SSBP3: variants seen among roughly 807,000 people sequenced by gnomAD.
SSBP3 encodes the protein single-stranded DNA-binding protein 3.
A neutral mutation model predicts 69.6 loss-of-function variants in SSBP3; 5 were observed. The observed-to-expected ratio is 0.07, with a 90% CI of 0.04 to 0.15. SSBP3 has a LOEUF of 0.15. Ranked by LOEUF, SSBP3 falls within the 10% of genes least tolerant of loss-of-function variation. SSBP3 has a pLI of 1.00. For missense variants in SSBP3, 312 were observed against 534.0 expected (o/e 0.58, Z 4.10); for synonymous variants, 196 against 193.4 (o/e 1.01, Z -0.11).
chr1:54,299,265 C>T lies in SSBP3; in HGVS notation c.277-17738G>A, dbSNP rs576750542. Among the ~76,000 whole-genome samples, 273 of 152,318 alleles carry T rather than the reference C, an allele frequency of 1.8e-3. 1 individual carries two copies. Among genetic ancestry groups the T allele is most frequent in the African/African-American group, 6.1e-3 (254 of 41,566 alleles). ...TGCAAGACACTGGTATTTTCCGCTC[C>T]ACTTGCCAAGAATGGAGCCACCCTG... On this transcript the variant is annotated intron_variant, in intron 4 of 17. Coordinates refer to ENST00000610401, the Ensembl canonical transcript of SSBP3.
intron 9 of SSBP3, among the ~76,000 whole-genome samples, chr1:54,246,788 C>T (rs1371437761): frequency 6.6e-6 from 1 of 152,264 alleles, no homozygotes; most frequent in Non-Finnish European, 1.5e-5. Flanking sequence ...CAAGGCCACA[C>T]AGATGTCAGG....
chr1:54,250,398 G>A (rs2100702996), intron 9 of SSBP3, among the ~76,000 whole-genome samples: 1 of 152,010 alleles, frequency 6.6e-6, no homozygotes, highest in East Asian at 1.9e-4. Context: ...GGATGGAGCA[G>A]AGGGCTGTGG....
Position 54,374,556 on chromosome 1 carries a change from C to T in SSBP3, c.276+27305G>A, listed in dbSNP as rs1647185883. 2.6e-5 allele frequency among the ~76,000 whole-genome samples: 4 copies of T among 152,212 alleles called. No homozygotes were observed. In the South Asian group the frequency reaches 8.3e-4, roughly 32 times the overall value. ...TTGTTCACAAACCACCCTCAACTAT[C>T]CTATAATGGATGCTTACATTATCCC... On this transcript the variant is annotated intron_variant, in intron 4 of 17. Transcript: ENST00000610401.
chr1:54,335,483 G>A (rs1210132268), intron 4 of SSBP3, among the ~76,000 whole-genome samples: 2 of 152,150 alleles, frequency 1.3e-5, no homozygotes, highest in African/African-American at 4.8e-5. Context: ...GAACCCTCAT[G>A]CAATCTGCCC....
intron 4 of SSBP3, among the ~76,000 whole-genome samples, chr1:54,320,424 TCTC>T (rs1188132255): frequency 6.6e-6 from 1 of 152,008 alleles, no homozygotes; most frequent in African/African-American, 2.4e-5. Context: ...TTCAAGCAAT[TCTC>T]CTCCCTCAGC....
intron 4 of SSBP3, among the ~76,000 whole-genome samples, chr1:54,289,081 T>A (rs1645556919): frequency 6.8e-6 from 1 of 146,906 alleles, no homozygotes; most frequent in African/African-American, 2.5e-5. Flanking sequence ...CTCACCCCTG[T>A]AGTTCCCAGG....
At chr1:54,399,077 C>T (rs1041504503) in intron 4 of SSBP3, among the ~76,000 whole-genome samples, 26 of 152,252 alleles carry the variant, frequency 1.7e-4, no homozygotes, top group African/African-American at 6.3e-4. Flanking sequence ...CTCACTCACC[C>T]GCAAGTGACT....
intron 4 of SSBP3, among the ~76,000 whole-genome samples, chr1:54,365,431 A>G (rs1647014993): frequency 6.6e-6 from 1 of 152,208 alleles, no homozygotes; most frequent in African/African-American, 2.4e-5. Flanking sequence ...AAAATGCAGT[A>G]ACCAAAACAT....
At chr1:54,242,113 C>A (rs747479463) in intron 11 of SSBP3, 51 bp downstream of exon 11, 1 of 1,606,456 alleles carries the variant, frequency 6.2e-7, no homozygotes, top group Non-Finnish European at 8.5e-7. Context: ...CTCCCCTGCA[C>A]CCAGAACCGC....
At chr1:54,287,693 CAACA>C (rs1645516143) in intron 4 of SSBP3, among the ~76,000 whole-genome samples, 1 of 149,004 alleles carries the variant, frequency 6.7e-6, no homozygotes, top group Non-Finnish European at 1.5e-5. Flanking sequence ...TCAGCAGCAA[CAACA>C]AACTAAAGAT....
intron 4 of SSBP3, chr1:54,285,481 G>A (rs1238368046): frequency 2.0e-5 from 3 of 152,014 alleles, no homozygotes; most frequent in Non-Finnish European, 2.9e-5. Flanking sequence ...TCTAGAATAC[G>A]GGTAAGTTAT....
At chr1:54,234,375 TAAA>T (rs1169086974) in intron 14 of SSBP3, among the ~76,000 whole-genome samples, 1 of 151,028 alleles carries the variant, frequency 6.6e-6, no homozygotes, top group Non-Finnish European at 1.5e-5. Flanking sequence ...TAAATAAAAA[TAAA>T]AAATAAAAAA....
chr1:54,257,323 C>T (rs1644939186), intron 6 of SSBP3, 137 bp from the exon 7 acceptor site: 1 of 706,392 alleles, frequency 1.4e-6, no homozygotes, highest in African/African-American at 1.9e-5. Flanking sequence ...AGCCTCTTCC[C>T]TTTGACAGCA....
At position 54,401,952 on chromosome 1, in the gene SSBP3, G is replaced by A. The variant is rs1418443798; in HGVS notation, c.192-7C>T. 8 of 1,612,182 alleles carry A rather than the reference G, an allele frequency of 5.0e-6. No homozygotes were observed. Among genetic ancestry groups the A allele is most frequent in the African/African-American group, 1.3e-5 (1 of 74,890 alleles). ...GTAAAGGTCCCAAAATACACTGCGA[G>A]GAGGAAAATAAAATAAGGTCAGGTT... On this transcript the variant is annotated splice_region_variant and splice_polypyrimidine_tract_variant and intron_variant, in intron 3 of 17. Coordinates refer to ENST00000610401, the Ensembl canonical transcript of SSBP3.
intron 5 of SSBP3, among the ~76,000 whole-genome samples, chr1:54,271,385 AG>A (rs1239564249): frequency 6.6e-6 from 1 of 152,112 alleles, no homozygotes; most frequent in Non-Finnish European, 1.5e-5. Flanking sequence ...TGGGATTTGC[AG>A]GTATGAGCCA....
At chr1:54,298,451 T>A (rs1417429600) in intron 4 of SSBP3, among the ~76,000 whole-genome samples, 1 of 152,192 alleles carries the variant, frequency 6.6e-6, no homozygotes, top group Non-Finnish European at 1.5e-5. Flanking sequence ...GTCCCCAGGA[T>A]TTTCAGTAAA....
chr1:54,234,364 A>AAT (rs35387873), intron 14 of SSBP3, among the ~76,000 whole-genome samples: 1 of 151,316 alleles, frequency 6.6e-6, no homozygotes, highest in African/African-American at 2.4e-5. Context: ...ATTAAAAAAA[A>AAT]TAAATAAAAA....
chr1:54,331,791 G>T (rs984002811), intron 4 of SSBP3, among the ~76,000 whole-genome samples: 1 of 152,186 alleles, frequency 6.6e-6, no homozygotes, highest in Non-Finnish European at 1.5e-5. Context: ...AAGGAGGGTG[G>T]TGCCTTGCCC....
intron 4 of SSBP3, among the ~76,000 whole-genome samples, chr1:54,304,671 A>G (rs1336787875): frequency 6.6e-6 from 1 of 152,224 alleles, no homozygotes; most frequent in African/African-American, 2.4e-5. Context: ...AGCACAGTCC[A>G]GCGGGGTCAC....
Sources: allele counts gnomAD v4.1 joint callset (sites outside exome capture counted in the v4.1 genomes callset), GRCh38; gene constraint gnomAD v4.1.1; transcripts MANE v1.5; gene names NCBI Gene and HGNC (gene_info 2026-07-23, HGNC 2026-07-21).